CRISPLD2: variants seen among roughly 807,000 people sequenced by gnomAD.
CRISPLD2 encodes the protein cysteine-rich secretory protein LCCL domain-containing 2.
In CRISPLD2, 47 loss-of-function variants were observed where a neutral mutation model predicts 71.1. The observed-to-expected ratio is 0.66, with a 90% CI of 0.52 to 0.84. CRISPLD2 has a LOEUF of 0.84. CRISPLD2 is among the 40% of genes least tolerant of loss of function. CRISPLD2 has a pLI of 0.00. For missense variants in CRISPLD2, 830 were observed against 651.1 expected, an observed-to-expected ratio of 1.27 and a Z score of -2.99; for synonymous variants, 317 against 250.1, an observed-to-expected ratio of 1.27 and a Z score of -2.52.
At chr16:84,820,676 G>A (rs1916210638) in intron 1 of CRISPLD2, among the ~76,000 whole-genome samples, 1 of 152,204 alleles carries the variant, frequency 6.6e-6, no homozygotes. Flanking sequence ...GAGAGGTGAA[G>A]TAAGTTGTCC....
intron 2 of CRISPLD2, chr16:84,839,324 G>C (rs903137045): frequency 3.1e-5 from 8 of 256,276 alleles, no homozygotes; most frequent in African/African-American, 1.4e-4. Context: ...AGGCAGAGTG[G>C]GGAGGGGCCC....
chr16:84,831,237 T>G (rs1916481155), intron 1 of CRISPLD2, among the ~76,000 whole-genome samples: 1 of 152,156 alleles, frequency 6.6e-6, no homozygotes, highest in South Asian at 2.1e-4. Flanking sequence ...CAAATACATT[T>G]GCATGGGTGG....
At position 84,846,544 on chromosome 16, in the gene CRISPLD2, G is replaced by A. The variant is rs1196515429; in HGVS notation, c.359+640G>A. Among the ~76,000 whole-genome samples, 6 of 152,104 alleles carry A rather than the reference G, an allele frequency of 3.9e-5. No individual in the cohort carries two copies. In the East Asian group the frequency reaches 1.2e-3, roughly 29 times the overall value. On this transcript the variant is annotated intron_variant, in intron 3 of 14. Transcript: ENST00000262424. ...GCGGGGATTACAGGCATGAGCCACC[G>A]CGCCTGGCCTGTAGTTTGGGGTTTC...
At chr16:84,897,064 C>T in intron 14 of CRISPLD2, among the ~76,000 whole-genome samples, 1 of 152,226 alleles carries the variant, frequency 6.6e-6, no homozygotes, top group Non-Finnish European at 1.5e-5. Context: ...CTGTCCCTGG[C>T]TGGCCTCTAG....
At chr16:84,867,078 A>G in intron 7 of CRISPLD2, 38 bp downstream of exon 7, 1 of 1,601,710 alleles carries the variant, frequency 6.2e-7, no homozygotes, top group Non-Finnish European at 8.5e-7. Context: ...CTGCCCTCCC[A>G]GCCACCTCCA....
chr16:84,849,957 C>G (rs1917037615), intron 4 of CRISPLD2, among the ~76,000 whole-genome samples: 1 of 150,318 alleles, frequency 6.7e-6, no homozygotes, highest in Non-Finnish European at 1.5e-5. Context: ...AACTCCTGGG[C>G]TCATGCAATC....
chr16:84,826,941 A>G (rs1916366208), intron 1 of CRISPLD2, among the ~76,000 whole-genome samples: 1 of 152,046 alleles, frequency 6.6e-6, no homozygotes, highest in Non-Finnish European at 1.5e-5. Context: ...TGCCCTCTTA[A>G]TCCAGTCTTC....
rs146479087 is a variant in CRISPLD2 at position 84,879,515 on chromosome 16, A to G, written c.1230-994A>G. 1.5e-3 allele frequency among the ~76,000 whole-genome samples: 231 copies of G among 152,256 alleles called. 1 individual carries two copies. Among genetic ancestry groups the G allele is most frequent in the African/African-American group, 5.1e-3 (210 of 41,556 alleles). ...GTAGCTGGGATTACGGGCCTGCACC[A>G]CCACGCCTGGCTAATTTTGTATTTT... On this transcript the variant is annotated intron_variant, in intron 12 of 14. Transcript: ENST00000262424.
intron 2 of CRISPLD2, chr16:84,839,359 T>A: frequency 4.3e-6 from 1 of 232,162 alleles, no homozygotes; most frequent in Non-Finnish European, 8.7e-6. Context: ...CTGATGCTGA[T>A]CTCAGCTGTG....
chr16:84,841,009 G>C (rs971147666), intron 2 of CRISPLD2, among the ~76,000 whole-genome samples: 1 of 152,200 alleles, frequency 6.6e-6, no homozygotes, highest in East Asian at 1.9e-4. Context: ...TGAGGTCCCC[G>C]TCCACACGGC....
At position 84,889,219 on chromosome 16, in the gene CRISPLD2, T is replaced by G. The variant is rs750547493; in HGVS notation, c.1306-11T>G. The G allele has an allele frequency of 1.3e-5, 21 of 1,613,994 alleles. No homozygotes were observed. The highest frequency in any genetic ancestry group is 1.7e-5 in the Non-Finnish European group (20 of 1,179,924). ...CCGCATCGCTGATCACAGCCCTTCC[T>G]GTGCTTCCAGACCTCAAGCATCTGC... On this transcript the variant is annotated splice_polypyrimidine_tract_variant and intron_variant, in intron 13 of 14. Coordinates refer to ENST00000262424, the MANE Select transcript of CRISPLD2 (RefSeq NM_031476.4).
intron 5 of CRISPLD2, among the ~76,000 whole-genome samples, chr16:84,852,665 G>C (rs571457640): frequency 1.3e-5 from 2 of 151,660 alleles, no homozygotes; most frequent in South Asian, 2.1e-4. Flanking sequence ...GTTTGGGTGT[G>C]GGGGGGGTCA....
At chr16:84,856,490 G>C (rs1372817504) in intron 6 of CRISPLD2, among the ~76,000 whole-genome samples, 4 of 152,118 alleles carry the variant, frequency 2.6e-5, no homozygotes, top group Non-Finnish European at 4.4e-5. Context: ...CTGGAACTAA[G>C]ACCTCTAGGC....
chr16:84,873,506 C>CAAAAAAAA (rs913977597), intron 10 of CRISPLD2: 2 of 112,192 alleles, frequency 1.8e-5, no homozygotes, highest in African/African-American at 8.2e-5. Flanking sequence ...ACAACAACAA[C>CAAAAAAAA]AAAAAAAAAA....
At chr16:84,896,896 T>G (rs2143371856) in intron 14 of CRISPLD2, among the ~76,000 whole-genome samples, 1 of 152,346 alleles carries the variant, frequency 6.6e-6, no homozygotes, top group Admixed American at 6.5e-5. Context: ...TAGTGCTGGC[T>G]TCAGGACTCC....
At chr16:84,842,651 G>A (rs1916806352) in intron 2 of CRISPLD2, among the ~76,000 whole-genome samples, 1 of 152,144 alleles carries the variant, frequency 6.6e-6, no homozygotes, top group African/African-American at 2.4e-5. Context: ...TGGGATTACA[G>A]GCATGAACCA....
At chr16:84,900,817 T>C (rs991058092) in intron 14 of CRISPLD2, among the ~76,000 whole-genome samples, 1 of 152,090 alleles carries the variant, frequency 6.6e-6, no homozygotes, top group Non-Finnish European at 1.5e-5. Flanking sequence ...TTTGGGAGGC[T>C]GAGACGGAAG....
intron 6 of CRISPLD2, 82 bp downstream of exon 6, chr16:84,854,911 A>G (rs1917194508): frequency 2.7e-6 from 3 of 1,100,622 alleles, no homozygotes; most frequent in Admixed American, 3.4e-5. Context: ...AAACAGGGGA[A>G]TTAAAGAAGT....
At chr16:84,904,726 A>G (rs1473628891) in intron 14 of CRISPLD2, among the ~76,000 whole-genome samples, 1 of 152,236 alleles carries the variant, frequency 6.6e-6, no homozygotes, top group Non-Finnish European at 1.5e-5. Context: ...TAATTTCTCA[A>G]CAAATGATGC....
Sources: allele counts gnomAD v4.1 joint callset (sites outside exome capture counted in the v4.1 genomes callset), GRCh38; gene constraint gnomAD v4.1.1; transcripts MANE v1.5; gene names NCBI Gene and HGNC (gene_info 2026-07-23, HGNC 2026-07-21).